RPS6KC1: variants seen among roughly 807,000 people sequenced by gnomAD.
RPS6KC1 encodes ribosomal protein S6 kinase C1.
Under a neutral mutation model 103.8 loss-of-function variants are expected in RPS6KC1, and 54 were observed. The observed-to-expected ratio is 0.52, with a 90% confidence interval of 0.42 to 0.65. RPS6KC1 has a LOEUF of 0.65. RPS6KC1 is among the 30% of genes least tolerant of loss of function. The pLI is 0.00. For synonymous variants in RPS6KC1, 439 were observed against 438.7 expected (o/e 1.00, Z -0.01); for missense variants, 1,151 against 1,253.8 (o/e 0.92, Z 1.24).
chr1:213,211,980 C>A (rs2093519049), intron 8 of RPS6KC1, among the ~76,000 whole-genome samples: 1 of 152,062 alleles, frequency 6.6e-6, no homozygotes, highest in Non-Finnish European at 1.5e-5. Flanking sequence ...AGAGTTTTTC[C>A]ATGTGCCCCC....
At chr1:213,151,854 A>G (rs1325234469) in intron 6 of RPS6KC1, among the ~76,000 whole-genome samples, 1 of 104,810 alleles carries the variant, frequency 9.5e-6, no homozygotes, top group Non-Finnish European at 1.9e-5. Context: ...TCCCTCCCGG[A>G]CGGGGCGGCT....
intron 5 of RPS6KC1, among the ~76,000 whole-genome samples, chr1:213,124,889 G>T (rs918450884): frequency 8.5e-5 from 13 of 152,118 alleles, no homozygotes; most frequent in Non-Finnish European, 1.9e-4. Flanking sequence ...AATAAGGTGG[G>T]CAAGGAAGAG....
At chr1:213,520,390 G>T in the RPS6KC1 span, among the ~76,000 whole-genome samples, 1 of 152,064 alleles carries the variant, frequency 6.6e-6, no homozygotes, top group African/African-American at 2.4e-5. Flanking sequence ...AACAGTATGA[G>T]GAAAACCACC....
the RPS6KC1 span, among the ~76,000 whole-genome samples, chr1:213,704,842 C>A: frequency 6.6e-6 from 1 of 152,234 alleles, no homozygotes; most frequent in Non-Finnish European, 1.5e-5. Flanking sequence ...GCACCCCAAG[C>A]TGAGTAAAGC....
At chr1:213,274,887 A>G (rs561267789), downstream of RPS6KC1, 2 of 152,138 alleles carry the variant, frequency 1.3e-5, no homozygotes, top group African/African-American at 2.4e-5. Context: ...TTTGTGCGAC[A>G]TCACCACTAT....
chr1:213,511,954 A>C, the RPS6KC1 span, among the ~76,000 whole-genome samples: 2 of 152,186 alleles, frequency 1.3e-5, no homozygotes, highest in African/African-American at 4.8e-5. Flanking sequence ...TTGTTCTCTG[A>C]TGGATTCCTG....
chr1:213,669,878 C>A, the RPS6KC1 span, among the ~76,000 whole-genome samples: 1 of 151,940 alleles, frequency 6.6e-6, no homozygotes, highest in Non-Finnish European at 1.5e-5. Context: ...AGTCTGAAAC[C>A]CTATAAGGTT....
chr1:213,616,758 A>T, the RPS6KC1 span, among the ~76,000 whole-genome samples: 1 of 152,160 alleles, frequency 6.6e-6, no homozygotes, highest in Non-Finnish European at 1.5e-5. Flanking sequence ...TGGGCAGGGG[A>T]TACCTGTGGC....
intron 6 of RPS6KC1, among the ~76,000 whole-genome samples, chr1:213,140,847 ATT>A (rs35374161): frequency 2.3e-5 from 3 of 132,556 alleles, no homozygotes; most frequent in Admixed American, 7.8e-5. Flanking sequence ...GAATCCCTTG[ATT>A]TTTTTTTTTT....
chr1:213,775,026 C>G, the RPS6KC1 span, among the ~76,000 whole-genome samples: 1 of 151,992 alleles, frequency 6.6e-6, no homozygotes, highest in Non-Finnish European at 1.5e-5. Context: ...TTTGGGTGAT[C>G]AGAGAAGGTC....
the RPS6KC1 span, among the ~76,000 whole-genome samples, chr1:213,611,560 G>C: frequency 6.6e-6 from 1 of 152,156 alleles, no homozygotes. Context: ...GAAAGAGGAG[G>C]GATCTTACGT....
At chr1:213,247,834 T>C (rs1201362396) in intron 12 of RPS6KC1, among the ~76,000 whole-genome samples, 1 of 152,196 alleles carries the variant, frequency 6.6e-6, no homozygotes, top group Non-Finnish European at 1.5e-5. Flanking sequence ...AAATATTGAT[T>C]TCTTATCTAA....
the RPS6KC1 span, among the ~76,000 whole-genome samples, chr1:213,609,841 C>T: frequency 6.7e-6 from 1 of 150,266 alleles, no homozygotes; most frequent in South Asian, 2.1e-4. Context: ...GGATCCATGT[C>T]TAGGGGTGAT....
At chr1:213,420,326 A>G in the RPS6KC1 span, among the ~76,000 whole-genome samples, 1 of 152,152 alleles carries the variant, frequency 6.6e-6, no homozygotes, top group East Asian at 1.9e-4. Flanking sequence ...CCAAAAGGAA[A>G]AAGTAGGGTA....
intron 8 of RPS6KC1, among the ~76,000 whole-genome samples, chr1:213,203,377 T>G (rs2093233740): frequency 1.3e-5 from 2 of 152,204 alleles, no homozygotes; most frequent in South Asian, 4.1e-4. Context: ...CTTCCTCGTA[T>G]CCTTACTGAC....
chr1:213,683,998 G>A, the RPS6KC1 span, among the ~76,000 whole-genome samples: 1 of 152,112 alleles, frequency 6.6e-6, no homozygotes, highest in Non-Finnish European at 1.5e-5. Context: ...ATTTACTGAG[G>A]CCAGCTCAGT....
the RPS6KC1 span, among the ~76,000 whole-genome samples, chr1:213,522,148 T>C: frequency 3.9e-5 from 6 of 152,364 alleles, no homozygotes; most frequent in East Asian, 7.7e-4. Flanking sequence ...AGAACTGATA[T>C]TGTGTTAGCA....
At chr1:213,644,405 T>C in the RPS6KC1 span, among the ~76,000 whole-genome samples, 1 of 151,986 alleles carries the variant, frequency 6.6e-6, no homozygotes, top group African/African-American at 2.4e-5. Flanking sequence ...TACATTAGGG[T>C]TCCATCTTGA....
chr1:213,267,521 CAAAA>C (rs1191697278), intron 14 of RPS6KC1, among the ~76,000 whole-genome samples: 1 of 151,366 alleles, frequency 6.6e-6, no homozygotes, highest in Non-Finnish European at 1.5e-5. Flanking sequence ...TACACAAAAA[CAAAA>C]AAAGTATGTC....
Sources: allele counts gnomAD v4.1 joint callset (sites outside exome capture counted in the v4.1 genomes callset), GRCh38; gene constraint gnomAD v4.1.1; transcripts MANE v1.5; gene names NCBI Gene and HGNC (gene_info 2026-07-23, HGNC 2026-07-21).